The following TRPA1 variants were observed in gnomAD, a reference collection of about 807,000 sequenced individuals.
TRPA1 encodes transient receptor potential cation channel subfamily A member 1, also known as ankyrin-like with transmembrane domains 1.
A neutral mutation model predicts 131.3 loss-of-function variants in TRPA1; 129 were observed. The ratio of observed to expected loss-of-function variants is 0.98; its 90% CI spans 0.85 to 1.14. The LOEUF (loss-of-function observed/expected upper bound fraction) is 1.14. Ranked by LOEUF, TRPA1 falls within the 50% of genes most tolerant of loss-of-function variation. The pLI is 0.00. For synonymous variants in TRPA1, 441 were observed against 451.7 expected (o/e 0.98, Z 0.30); for missense variants, 1,304 against 1,354.2 (o/e 0.96, Z 0.58).
chr8:72,022,632 A>C lies in TRPA1; in HGVS notation c.*274T>G. ...TCATTAAAAATGTGTGTTCTAGCAA[A>C]TTCATTTTCTACCCATTCAAATAAT... On this transcript the variant is annotated 3_prime_UTR_variant, in exon 27 of 27. Coordinates refer to ENST00000262209, the MANE Select transcript of TRPA1 (RefSeq NM_007332.3). The C allele has an allele frequency of 1.9e-6, 1 of 516,942 alleles. No homozygotes were observed. The highest frequency in any genetic ancestry group is 3.5e-5 in the East Asian group (1 of 28,708). 32.0% of individuals were successfully genotyped at this position (516,942 alleles called of 1,614,324 possible).
chr8:72,039,752 A>T lies in TRPA1; in HGVS notation c.2107T>A (p.Cys703Ser). The change falls in exon 18 of 27, where the codon TGT becomes AGT. Residue 703 changes from cysteine to serine, a missense_variant. By Grantham distance (112) the Cys-to-Ser change is moderately radical. Coordinates refer to ENST00000262209, the MANE Select transcript of TRPA1 (RefSeq NM_007332.3). ...CATTTCATGAGTAAATATTCTTTAC[A>T]CACAGGATGATTGAGAAGCTCTATG... is the stretch of plus-strand genomic sequence containing the variant. ...NRIELLNHPV[C>S]KEYLLMKWLA... 2 of 1,609,704 alleles carry T rather than the reference A, an allele frequency of 1.2e-6. No homozygotes were observed. Among genetic ancestry groups the T allele is most frequent in the Non-Finnish European group, 1.7e-6 (2 of 1,176,546 alleles).
At chr8:72,075,661 C>G (rs577126072), upstream of TRPA1, 1,098 of 524,910 alleles carry the variant, frequency 2.1e-3, 23 homozygotes, top group South Asian at 0.021. Context: ...AAACGCGGAG[C>G]TCCTTCGCAA....
rs200395150 is a variant in TRPA1 at position 72,023,064 on chromosome 8, T to A, written c.3202A>T (p.Ile1068Phe). The change falls in exon 27 of 27, where the codon ATC becomes TTC. Residue 1068 changes from isoleucine to phenylalanine, a missense_variant. By Grantham distance (21) the Ile-to-Phe change is conservative. Transcript: ENST00000262209. ...LEKQHELIKL[I>F]IQKMEIISET... ...GAGATGATCTCCATCTTCTGAATGA[T>A]CAGTTTAATGAGCTCATGCTGTTTT... 6.2e-7 allele frequency: 1 copy of A among 1,613,714 alleles called. No homozygotes were observed. The highest frequency in any genetic ancestry group is 8.5e-7 in the Non-Finnish European group (1 of 1,179,804).
intron 24 of TRPA1, among the ~76,000 whole-genome samples, chr8:72,028,747 T>C (rs1362561223): frequency 1.3e-5 from 2 of 152,226 alleles, no homozygotes; most frequent in Non-Finnish European, 2.9e-5. Flanking sequence ...CTGTTTCCTC[T>C]GGGCTCTCAT....
At chr8:72,087,065 G>A in the TRPA1 span, among the ~76,000 whole-genome samples, 7 of 151,938 alleles carry the variant, frequency 4.6e-5, no homozygotes, top group African/African-American at 1.7e-4. Context: ...CTTCTTTGAA[G>A]GCTCACCTCT....
rs986262326 is a variant in TRPA1 at position 72,069,061 on chromosome 8, G to A, written c.406C>T (p.His136Tyr). The change falls in exon 3 of 27, where the codon CAC becomes TAC. Residue 136 changes from histidine to tyrosine, a missense_variant. Physicochemically the swap from His to Tyr is moderately conservative, Grantham distance 83. Coordinates refer to ENST00000262209, the MANE Select transcript of TRPA1 (RefSeq NM_007332.3). ...LRNFNMMAPLHIAVQGMNNEV... is the reference protein window; with the variant it reads ...LRNFNMMAPLYIAVQGMNNEV... ...TTATTCATGCCCTGCACAGCTATGT[G>A]GAGAGGAGCCATCATGTTGAAGTTT... 1.9e-6 allele frequency: 3 copies of A among 1,614,176 alleles called. No homozygotes were observed. Among genetic ancestry groups the A allele is most frequent in the Non-Finnish European group, 2.5e-6 (3 of 1,180,032 alleles).
rs1188987906 is a variant in TRPA1, at chr8:72,039,722, C to T, written c.2132+5G>A. 3.2e-6 allele frequency: 5 copies of T among 1,580,792 alleles called. No homozygotes were observed. Among genetic ancestry groups the T allele is most frequent in the Non-Finnish European group, 4.3e-6 (5 of 1,150,590 alleles). On this transcript the variant is annotated splice_donor_5th_base_variant and intron_variant, in intron 18 of 26. Coordinates refer to ENST00000262209, the MANE Select transcript of TRPA1 (RefSeq NM_007332.3). ...ATTAAACAAGAAATACTACTCAATA[C>T]CCACCATTTCATGAGTAAATATTCT...
chr8:72,075,614 T>C (rs369406999), upstream of TRPA1: 2 of 590,200 alleles, frequency 3.4e-6, no homozygotes, highest in African/African-American at 1.9e-5. Flanking sequence ...GCTACTTTTG[T>C]AGTGCAGGAA....
At chr8:72,062,484 T>C (rs1477489749) in intron 6 of TRPA1, among the ~76,000 whole-genome samples, 1 of 152,182 alleles carries the variant, frequency 6.6e-6, no homozygotes, top group Non-Finnish European at 1.5e-5. Flanking sequence ...ACATTCATGA[T>C]TGGGCTTTAA....
In TRPA1 at chr8:72,046,513, G is replaced by A. The variant is rs541532801; in HGVS notation, c.2061C>T (p.Asn687=). 35 of 1,545,536 alleles carry A rather than the reference G, an allele frequency of 2.3e-5. No individual in the cohort carries two copies. Among genetic ancestry groups the A allele is most frequent in the East Asian group, 1.4e-4 (6 of 44,024 alleles). Residue 687 remains asparagine (N), a splice_region_variant and synonymous_variant, in exon 17 of 27, where the codon AAC becomes AAT. Transcript: ENST00000262209. The part of the protein sequence containing the change: ...DVIYEPLTAL[N]AMVQNNRIEL... ...TAGATAATGAAAACATTGAACTTAC[G>A]TTGAGGGCTGTAAGCGGTTCATATA...
chr8:72,045,542 C>T (rs1812400277), intron 17 of TRPA1, among the ~76,000 whole-genome samples: 1 of 148,204 alleles, frequency 6.7e-6, no homozygotes, highest in South Asian at 2.2e-4. Context: ...GTTAGGAAGC[C>T]ACATGCAACT....
chr8:72,071,778 CAAG>C lies in TRPA1; in HGVS notation c.198_200del (p.Phe66del), dbSNP rs761769933. The C allele has an allele frequency of 5.6e-6, 9 of 1,613,512 alleles. No individual in the cohort carries two copies. The highest frequency in any genetic ancestry group is 2.2e-5 in the East Asian group (1 of 44,844). ...TTTGGCCTTCTGCTGCAGCATAATG[CAAG>C]AAGAAGGTGTCCATATCGTCACATC... On this transcript the variant is annotated inframe_deletion, in exon 2 of 27. Coordinates refer to ENST00000262209, the MANE Select transcript of TRPA1 (RefSeq NM_007332.3).
At chr8:72,041,399 C>T (rs1812246717) in intron 17 of TRPA1, 1 of 151,938 alleles carries the variant, frequency 6.6e-6, no homozygotes, top group South Asian at 2.1e-4. Flanking sequence ...CCCTATGATG[C>T]AACAGAAGAA....
upstream of TRPA1, among the ~76,000 whole-genome samples, chr8:72,077,721 G>T (rs974274263): frequency 6.6e-6 from 1 of 151,984 alleles, no homozygotes; most frequent in Non-Finnish European, 1.5e-5. Flanking sequence ...TCATAGGCAG[G>T]CAGGGCAACT....
chr8:72,029,800 A>G, intron 24 of TRPA1, 101 bp downstream of exon 24: 1 of 1,060,998 alleles, frequency 9.4e-7, no homozygotes. Context: ...TATAACTGGC[A>G]TATTCCTACA....
upstream of TRPA1, among the ~76,000 whole-genome samples, chr8:72,079,034 A>G (rs902718728): frequency 1.3e-5 from 2 of 151,836 alleles, no homozygotes; most frequent in African/African-American, 4.8e-5. Flanking sequence ...CTTATTATTC[A>G]CTCATATATT....
intron 23 of TRPA1, among the ~76,000 whole-genome samples, chr8:72,030,321 C>T (rs1811766851): frequency 6.6e-6 from 1 of 152,158 alleles, no homozygotes; most frequent in South Asian, 2.1e-4. Flanking sequence ...CCAAAGGCCC[C>T]ACCTTCTAAT....
rs1811448873 is a variant in TRPA1 at position 72,022,951 on chromosome 8, A to G, written c.3315T>C (p.Thr1105=). Residue 1105 remains threonine (T), a synonymous_variant, in exon 27 of 27, where the codon ACT becomes ACC. Transcript: ENST00000262209. ...TTTTTGCCTTGACTGCTCTCAACAC[A>G]GTATTCCATCTGCTATTCCTTTGTT... is the stretch of plus-strand genomic sequence containing the variant. ...QMEQRNSRWN[T]VLRAVKAKTH... The G allele has an allele frequency of 1.2e-6, 2 of 1,613,884 alleles. No individual in the cohort carries two copies. Among genetic ancestry groups the G allele is most frequent in the Non-Finnish European group, 1.7e-6 (2 of 1,179,830 alleles).
chr8:72,023,709 T>C (rs959975), intron 26 of TRPA1, 105 bp downstream of exon 26: 461,617 of 745,004 alleles, frequency 0.62, 146,681 homozygotes, highest in East Asian at 0.92. Flanking sequence ...TAAAGCAAGA[T>C]AATATATAAA....
Sources: allele counts gnomAD v4.1 joint callset (sites outside exome capture counted in the v4.1 genomes callset), GRCh38; gene constraint gnomAD v4.1.1; transcripts MANE v1.5; gene names NCBI Gene and HGNC (gene_info 2026-07-23, HGNC 2026-07-21).